The following PDZD2 variants were observed in gnomAD, a reference collection of about 807,000 sequenced individuals.
The protein encoded by PDZD2 is PDZ domain containing 2.
In PDZD2, 90 loss-of-function variants were observed where a neutral mutation model predicts 220.7. That is an observed-to-expected ratio of 0.41 (90% confidence interval 0.34 to 0.49). The LOEUF (loss-of-function observed/expected upper bound fraction) is 0.49. Among genes scored for constraint, PDZD2 ranks in the 20% least tolerant of loss-of-function variants. The pLI, the probability that PDZD2 is intolerant of heterozygous loss-of-function variation, is 0.28. For synonymous variants in PDZD2, 1,375 were observed against 1,450.5 expected (o/e 0.95, Z 1.18); for missense variants, 3,174 against 3,608.5 (o/e 0.88, Z 3.08).
intron 24 of PDZD2, among the ~76,000 whole-genome samples, chr5:32,104,718 A>T (rs1232096834): frequency 1.9e-4 from 12 of 63,122 alleles, no homozygotes; most frequent in Admixed American, 9.1e-4. Context: ...GCTCCATCTA[A>T]AAAAAAAAAA....
At chr5:31,794,684 G>A (rs1753924937) in intron 1 of PDZD2, among the ~76,000 whole-genome samples, 1 of 151,902 alleles carries the variant, frequency 6.6e-6, no homozygotes, top group South Asian at 2.1e-4. Context: ...TGGGATTACA[G>A]GTATGAACCA....
chr5:31,867,193 A>G (rs1280441003), intron 2 of PDZD2, among the ~76,000 whole-genome samples: 1 of 152,196 alleles, frequency 6.6e-6, no homozygotes, highest in African/African-American at 2.4e-5. Flanking sequence ...CTGCAAATGC[A>G]AACCAGAAAG....
intron 2 of PDZD2, among the ~76,000 whole-genome samples, chr5:31,816,156 C>G (rs1260215820): frequency 2.6e-5 from 4 of 151,870 alleles, no homozygotes; most frequent in Non-Finnish European, 5.9e-5. Flanking sequence ...GGCATGGTGG[C>G]AGGCGCCTGT....
rs367610996 is a variant in PDZD2, at chr5:32,090,035, G to A, written c.6587G>A (p.Gly2196Glu). 4 of 1,611,802 alleles carry A rather than the reference G, an allele frequency of 2.5e-6. No individual in the cohort carries two copies. The highest frequency in any genetic ancestry group is 4.5e-5 in the East Asian group (2 of 44,876). The change falls in exon 20 of 25, where the codon GGG becomes GAG. Residue 2196 changes from glycine to glutamate, a missense_variant. Physicochemically the swap from Gly to Glu is moderately conservative, Grantham distance 98. Around this residue, in one of 4 missense-constraint regions of PDZD2, gnomAD observed 1,861 missense variants for 2,001.0 expected, o/e 0.93. Transcript: ENST00000438447. The surrounding 1 kb of genome is among the most constrained non-coding windows in gnomAD (Gnocchi z 4.3). ...GKSSLMSDSR[G>E]VPRNSIPGGP... ...TCAAGCCTGATGTCAGACTCCCGAGGGGTGCCCAGAAACAGCATTCCAGGG... is the reference window on the plus strand; with the variant it reads ...TCAAGCCTGATGTCAGACTCCCGAGAGGTGCCCAGAAACAGCATTCCAGGG...
intron 3 of PDZD2, among the ~76,000 whole-genome samples, chr5:31,989,421 C>CTTTCTT (rs1751011181): frequency 8.3e-6 from 1 of 119,904 alleles, no homozygotes; most frequent in African/African-American, 3.4e-5. Flanking sequence ...ATTTTCTTTT[C>CTTTCTT]TTTTTTTTTT....
intron 1 of PDZD2, among the ~76,000 whole-genome samples, chr5:31,657,628 A>AT (rs1000207347): frequency 6.6e-4 from 100 of 152,226 alleles, no homozygotes; most frequent in African/African-American, 2.3e-3. Flanking sequence ...AACCACCTGC[A>AT]TTTTTTATGG....
intron 5 of PDZD2, among the ~76,000 whole-genome samples, chr5:32,003,108 CAA>C: frequency 1.1e-5 from 1 of 91,796 alleles, no homozygotes; most frequent in African/African-American, 3.1e-5. Context: ...ACACACCCCA[CAA>C]ACACACCACG....
At position 32,108,645 on chromosome 5, in the gene PDZD2, A is replaced by C. The variant is rs1308905143; in HGVS notation, c.*510A>C. On this transcript the variant is annotated 3_prime_UTR_variant, in exon 25 of 25. Transcript: ENST00000438447. ...GGAAGGAGGAGATGTAGGTCTGTATATGTTACCCTGAAAAGAGAATAAGAC... is the reference window on the plus strand; with the variant it reads ...GGAAGGAGGAGATGTAGGTCTGTATCTGTTACCCTGAAAAGAGAATAAGAC... 1 of 152,726 alleles carries C rather than the reference A, an allele frequency of 6.5e-6. No individual in the cohort carries two copies. The highest frequency in any genetic ancestry group is 1.5e-5 in the Non-Finnish European group (1 of 68,108). 9.5% of individuals were successfully genotyped at this position (152,726 alleles called of 1,614,324 possible). A position where few individuals can be genotyped will look rare whatever the true frequency, so the allele number is the denominator to read the frequency against.
At chr5:31,652,970 C>T (rs1168382253) in intron 1 of PDZD2, among the ~76,000 whole-genome samples, 1 of 152,006 alleles carries the variant, frequency 6.6e-6, no homozygotes, top group Non-Finnish European at 1.5e-5. Flanking sequence ...CGAGATCGTG[C>T]CATTGAATGC....
intron 1 of PDZD2, among the ~76,000 whole-genome samples, chr5:31,658,018 A>G (rs1745617054): frequency 1.3e-5 from 2 of 152,246 alleles, no homozygotes; most frequent in Non-Finnish European, 2.9e-5. Flanking sequence ...CTCTACACAA[A>G]ATAAGTTCAA....
At chr5:32,004,364 T>G (rs1459894674) in intron 5 of PDZD2, among the ~76,000 whole-genome samples, 1 of 152,088 alleles carries the variant, frequency 6.6e-6, no homozygotes. Flanking sequence ...AGGAGGAGGA[T>G]TTCTTGAGTC....
chr5:32,101,977 A>G (rs1398707747), intron 24 of PDZD2, among the ~76,000 whole-genome samples: 1 of 152,240 alleles, frequency 6.6e-6, no homozygotes, highest in East Asian at 1.9e-4. Flanking sequence ...AGGTCAGCAA[A>G]TAACAAGGTC....
chr5:31,874,233 C>G (rs1350021052), intron 2 of PDZD2, among the ~76,000 whole-genome samples: 2 of 152,142 alleles, frequency 1.3e-5, no homozygotes, highest in Non-Finnish European at 2.9e-5. Context: ...CTAAAAAATA[C>G]CTTCACAGTG....
At chr5:31,834,887 A>AAT in intron 2 of PDZD2, among the ~76,000 whole-genome samples, 1 of 149,454 alleles carries the variant, frequency 6.7e-6, no homozygotes, top group South Asian at 2.1e-4. Context: ...GTATAATAAA[A>AAT]ATATATATAT....
intron 21 of PDZD2, among the ~76,000 whole-genome samples, chr5:32,096,267 TC>T (rs1053960342): frequency 1.3e-5 from 2 of 152,100 alleles, no homozygotes; most frequent in African/African-American, 4.8e-5. Flanking sequence ...GAAGTCAACC[TC>T]CCAACTCCCC....
At chr5:32,041,283 G>A (rs1756122944) in intron 7 of PDZD2, among the ~76,000 whole-genome samples, 1 of 151,884 alleles carries the variant, frequency 6.6e-6, no homozygotes, top group South Asian at 2.1e-4. Context: ...CGCCCCGTCT[G>A]GGAAGTGAGG....
At chr5:31,734,704 C>T (rs1453726500) in intron 1 of PDZD2, among the ~76,000 whole-genome samples, 1 of 152,106 alleles carries the variant, frequency 6.6e-6, no homozygotes, top group Non-Finnish European at 1.5e-5. Context: ...CCAGCTTCAG[C>T]CCCTCTCCCC....
chr5:31,915,779 A>C (rs1743624450), intron 2 of PDZD2, among the ~76,000 whole-genome samples: 1 of 152,234 alleles, frequency 6.6e-6, no homozygotes, highest in Non-Finnish European at 1.5e-5. Flanking sequence ...AGACAGGTTA[A>C]TATCCACTTG....
chr5:31,669,577 A>T (rs960913886), intron 1 of PDZD2, among the ~76,000 whole-genome samples: 5 of 152,152 alleles, frequency 3.3e-5, no homozygotes, highest in Admixed American at 2.6e-4. Context: ...GGGCCTTAAC[A>T]TTATCTAATA....
Sources: gnomAD v4.1 joint callset for allele counts (sites outside exome capture counted in the v4.1 genomes callset) on GRCh38, gnomAD v4.1.1 for gene constraint, gnomAD v4.1.1 regional missense constraint, Gnocchi (gnomAD v3.1) non-coding constraint, MANE v1.5 for transcripts, NCBI Gene and HGNC (gene_info 2026-07-23, HGNC 2026-07-21) for gene names.